Variants in TMEM196 observed in about 807,000 individuals in gnomAD.
TMEM196 encodes transmembrane protein 196.
A neutral mutation model predicts 20.0 loss-of-function variants in TMEM196; 17 were observed. That is an observed-to-expected ratio of 0.85 (90% CI 0.58 to 1.27). The LOEUF is 1.27. Ranked by LOEUF, TMEM196 falls within the 50% of genes most tolerant of loss-of-function variation. The pLI, the probability that TMEM196 is intolerant of heterozygous loss-of-function variation, is 0.00. For synonymous variants in TMEM196, 113 were observed against 88.9 expected (o/e 1.27, Z -1.52); for missense variants, 267 against 223.0 (o/e 1.20, Z -1.26).
rs1485411829 is a variant in TMEM196 at position 19,721,102 on chromosome 7, TA to T, written c.*1025del. 6.6e-6 allele frequency: 1 copy of T among 151,924 alleles called. No homozygotes were observed. The allele number at this position is 151,924 out of a possible 1,614,324, so 9.4% of individuals were successfully genotyped here. On this transcript the variant is annotated 3_prime_UTR_variant, in exon 5 of 5. Coordinates refer to ENST00000405844, the MANE Select transcript of TMEM196 (RefSeq NM_001363562.2). ...ACACTATTCAGATCACTCATCTTCA[TA>T]AATATCACCCACAATGATATTTACA...
At chr7:19,739,326 AAAAT>A (rs1417133447) in intron 1 of TMEM196, among the ~76,000 whole-genome samples, 14 of 152,304 alleles carry the variant, frequency 9.2e-5, no homozygotes, top group African/African-American at 3.1e-4. Context: ...AAAATTCCTA[AAAAT>A]AAATTGTGTA....
intron 1 of TMEM196, among the ~76,000 whole-genome samples, chr7:19,739,804 C>G (rs1784525609): frequency 6.6e-6 from 1 of 152,138 alleles, no homozygotes; most frequent in South Asian, 2.1e-4. Context: ...TGTTTCTTCA[C>G]TTATCAGATT....
At chr7:19,747,824 G>T (rs565021834) in intron 1 of TMEM196, among the ~76,000 whole-genome samples, 6 of 152,260 alleles carry the variant, frequency 3.9e-5, no homozygotes, top group African/African-American at 1.4e-4. Flanking sequence ...ATCAGATCTT[G>T]GGTGATTGTG....
chr7:19,734,091 C>T (rs1164710114), intron 1 of TMEM196, among the ~76,000 whole-genome samples: 1 of 152,076 alleles, frequency 6.6e-6, no homozygotes, highest in Admixed American at 6.6e-5. Flanking sequence ...AAATTTCCAG[C>T]ACATAAGCAC....
intron 1 of TMEM196, among the ~76,000 whole-genome samples, chr7:19,759,249 A>G (rs1785334892): frequency 6.6e-6 from 1 of 152,182 alleles, no homozygotes; most frequent in African/African-American, 2.4e-5. Flanking sequence ...GCAAAAGCAA[A>G]CAATGACAGC....
chr7:19,734,889 G>T (rs570861346), intron 1 of TMEM196, among the ~76,000 whole-genome samples: 5 of 152,258 alleles, frequency 3.3e-5, no homozygotes, highest in Non-Finnish European at 7.4e-5. Flanking sequence ...ACTGGAAGTA[G>T]TATTCAGGAC....
chr7:19,758,172 C>T (rs1428985963), intron 1 of TMEM196, among the ~76,000 whole-genome samples: 1 of 152,178 alleles, frequency 6.6e-6, no homozygotes, highest in Middle Eastern at 3.4e-3. Flanking sequence ...TTCTTGAAGG[C>T]AATTCACTTA....
In TMEM196 at chr7:19,741,134, G is replaced by A. The variant is rs544652710; in HGVS notation, c.148-11696C>T. On this transcript the variant is annotated intron_variant, in intron 1 of 4. Coordinates refer to ENST00000405844, the MANE Select transcript of TMEM196 (RefSeq NM_001363562.2). Reference sequence around the variant, plus strand: ...AAAGGAATTATGCTCTGTGACGGGCGAGTTTATGAAGAAAATAAATTATGG... The same window carrying A: ...AAAGGAATTATGCTCTGTGACGGGCAAGTTTATGAAGAAAATAAATTATGG... Among the ~76,000 whole-genome samples, 5 of 152,212 alleles carry A rather than the reference G, an allele frequency of 3.3e-5. No individual in the cohort carries two copies. The East Asian group carries it at 5.8e-4, about 18-fold the overall frequency.
intron 1 of TMEM196, among the ~76,000 whole-genome samples, chr7:19,768,886 CCTTAT>C (rs920083997): frequency 1.3e-5 from 2 of 151,986 alleles, no homozygotes; most frequent in African/African-American, 4.8e-5. Flanking sequence ...CATTTTAAGC[CCTTAT>C]CTTTATTTTT....
chr7:19,728,321 G>C (rs1372672877), intron 2 of TMEM196, among the ~76,000 whole-genome samples: 1 of 152,102 alleles, frequency 6.6e-6, no homozygotes, highest in East Asian at 1.9e-4. Context: ...GGCATAAGGA[G>C]AATGAAGACC....
chr7:19,748,430 C>A (rs958640770), intron 1 of TMEM196, among the ~76,000 whole-genome samples: 2 of 152,146 alleles, frequency 1.3e-5, no homozygotes, highest in Admixed American at 1.3e-4. Context: ...TCTATACACA[C>A]AACCAGTCCA....
intron 1 of TMEM196, among the ~76,000 whole-genome samples, chr7:19,731,180 C>T (rs1056217802): frequency 1.1e-4 from 16 of 152,032 alleles, no homozygotes; most frequent in Admixed American, 5.2e-4. Context: ...GGATTATATT[C>T]GGAAAGTATA....
In TMEM196 at chr7:19,754,228, A is replaced by C. The variant is rs148488305; in HGVS notation, c.147+18322T>G. On this transcript the variant is annotated intron_variant, in intron 1 of 4. Transcript: ENST00000405844. ...TAGAATAGCTGTAAATGTTAAATAA[A>C]ATTGTAGGTATAAGTCACTTGGAAG... is the stretch of plus-strand genomic sequence containing the variant. Among the ~76,000 whole-genome samples, 381 of 152,310 alleles carry C rather than the reference A, an allele frequency of 2.5e-3. 2 individuals are homozygous for C. Among genetic ancestry groups the C allele is most frequent in the African/African-American group, 8.9e-3 (369 of 41,578 alleles).
rs1222003082 is a variant in TMEM196 at position 19,721,669 on chromosome 7, C to T, written c.*459G>A. 6.5e-6 allele frequency: 1 copy of T among 154,238 alleles called. No homozygotes were observed. The highest frequency in any genetic ancestry group is 1.4e-5 in the Non-Finnish European group (1 of 69,512). The allele number at this position is 154,238 out of a possible 1,614,324, so 9.6% of individuals were successfully genotyped here. On this transcript the variant is annotated 3_prime_UTR_variant, in exon 5 of 5. Transcript: ENST00000405844. ...AGCATCCTTGAAGCCATCTGTCTTTCAGAACAAAGACGTCAATAAGTTATT... is the reference window on the plus strand; with the variant it reads ...AGCATCCTTGAAGCCATCTGTCTTTTAGAACAAAGACGTCAATAAGTTATT...
intron 1 of TMEM196, among the ~76,000 whole-genome samples, chr7:19,740,081 A>G (rs954153682): frequency 6.6e-6 from 1 of 152,140 alleles, no homozygotes; most frequent in African/African-American, 2.4e-5. Context: ...TTATTTTAGC[A>G]CTATTAGTAA....
At chr7:19,771,823 C>G (rs895551110) in intron 1 of TMEM196, among the ~76,000 whole-genome samples, 1 of 152,254 alleles carries the variant, frequency 6.6e-6, no homozygotes, top group East Asian at 1.9e-4. Context: ...GACAGTTTCT[C>G]TGAGCAGTTA....
intron 1 of TMEM196, among the ~76,000 whole-genome samples, chr7:19,745,012 G>A (rs1301883295): frequency 6.6e-6 from 1 of 151,744 alleles, no homozygotes; most frequent in Non-Finnish European, 1.5e-5. Context: ...ATATGTGCAG[G>A]AGATTGGTTT....
chr7:19,768,943 A>G (rs1456354459), intron 1 of TMEM196, among the ~76,000 whole-genome samples: 1 of 152,158 alleles, frequency 6.6e-6, no homozygotes, highest in East Asian at 1.9e-4. Flanking sequence ...TTCGGGGCCA[A>G]AAAATCAAAA....
intron 1 of TMEM196, among the ~76,000 whole-genome samples, chr7:19,765,063 C>T (rs920588442): frequency 6.6e-6 from 1 of 152,012 alleles, no homozygotes; most frequent in Non-Finnish European, 1.5e-5. Flanking sequence ...TAAGTAAGTT[C>T]CTTTTTCTAC....
Sources: allele counts gnomAD v4.1 joint callset (sites outside exome capture counted in the v4.1 genomes callset), GRCh38; gene constraint gnomAD v4.1.1; transcripts MANE v1.5; gene names NCBI Gene and HGNC (gene_info 2026-07-23, HGNC 2026-07-21).